RPRD1A: variants seen among roughly 807,000 people sequenced by gnomAD.
RPRD1A encodes regulation of nuclear pre-mRNA domain containing 1A.
RPRD1A carries 9 observed loss-of-function variants against 37.8 expected under a neutral mutation model. The ratio of observed to expected loss-of-function variants is 0.24; its 90% confidence interval spans 0.14 to 0.42. RPRD1A has a LOEUF of 0.42. Among genes scored for constraint, RPRD1A ranks in the 10% least tolerant of loss-of-function variants. The pLI, the probability that RPRD1A is intolerant of heterozygous loss-of-function variation, is 1.00. For synonymous variants in RPRD1A, 138 were observed against 139.7 expected (o/e 0.99, Z 0.08); for missense variants, 255 against 371.0 (o/e 0.69, Z 2.57).
chr18:36,054,955 T>A (rs967279301), intron 1 of RPRD1A, among the ~76,000 whole-genome samples: 1 of 152,214 alleles, frequency 6.6e-6, no homozygotes, highest in Non-Finnish European at 1.5e-5. Flanking sequence ...TGTCTTCAAC[T>A]GGCTGGATAA....
intron 6 of RPRD1A, among the ~76,000 whole-genome samples, chr18:36,005,355 A>G (rs1226947272): frequency 6.6e-6 from 1 of 151,796 alleles, no homozygotes; most frequent in South Asian, 2.1e-4. Context: ...AAACAAAAAA[A>G]GAAAACATAA....
chr18:36,048,060 T>C (rs1598654570), intron 1 of RPRD1A, among the ~76,000 whole-genome samples: 1 of 146,516 alleles, frequency 6.8e-6, no homozygotes, highest in Admixed American at 6.9e-5. Flanking sequence ...GATGTACCCA[T>C]TCCTTTTTTT....
At chr18:36,046,844 C>A (rs1331566442) in intron 1 of RPRD1A, among the ~76,000 whole-genome samples, 3 of 148,776 alleles carry the variant, frequency 2.0e-5, no homozygotes, top group Non-Finnish European at 4.5e-5. Flanking sequence ...AAAAAAAAAA[C>A]CTAGAGTCTC....
intron 1 of RPRD1A, 124 bp downstream of exon 1, chr18:36,067,130 G>T: frequency 9.7e-7 from 1 of 1,034,158 alleles, no homozygotes; most frequent in African/African-American, 1.6e-5. Context: ...CTCCAAGCCC[G>T]CAGACCACCG....
chr18:36,006,086 G>T (rs989066662), intron 6 of RPRD1A, among the ~76,000 whole-genome samples: 1 of 152,206 alleles, frequency 6.6e-6, no homozygotes, highest in African/African-American at 2.4e-5. Context: ...AATAGAAGAA[G>T]TACTTAGAAC....
At chr18:36,016,202 G>A (rs1910559426) in intron 6 of RPRD1A, among the ~76,000 whole-genome samples, 1 of 152,110 alleles carries the variant, frequency 6.6e-6, no homozygotes, top group South Asian at 2.1e-4. Context: ...ACAACCCCAT[G>A]TCATTACAAA....
chr18:36,038,262 G>T (rs1912338600), intron 1 of RPRD1A, among the ~76,000 whole-genome samples: 1 of 152,214 alleles, frequency 6.6e-6, no homozygotes, highest in South Asian at 2.1e-4. Context: ...TCCTGAGCCA[G>T]GCCCAGGGCC....
At chr18:36,047,304 A>C (rs1459297754) in intron 1 of RPRD1A, among the ~76,000 whole-genome samples, 1 of 152,150 alleles carries the variant, frequency 6.6e-6, no homozygotes, top group East Asian at 1.9e-4. Flanking sequence ...AACATAACAA[A>C]AATCTGTGGG....
chr18:36,065,308 C>G (rs944558592), intron 1 of RPRD1A, among the ~76,000 whole-genome samples: 1 of 152,062 alleles, frequency 6.6e-6, no homozygotes. Context: ...TCGTCTGTAC[C>G]TTGTTTTCTT....
At chr18:36,019,111 T>TC (rs1170436449) in intron 6 of RPRD1A, among the ~76,000 whole-genome samples, 2 of 147,308 alleles carry the variant, frequency 1.4e-5, no homozygotes, top group Non-Finnish European at 3.0e-5. Flanking sequence ...GATTTTTTTT[T>TC]TTTTTTTTTT....
chr18:36,056,206 G>C lies in RPRD1A; in HGVS notation c.151+11048C>G, dbSNP rs571363174. Among the ~76,000 whole-genome samples, 4 of 152,134 alleles carry C rather than the reference G, an allele frequency of 2.6e-5. No individual in the cohort carries two copies. In the South Asian group the frequency reaches 8.3e-4, roughly 31 times the overall value. Reference sequence around the variant, plus strand: ...AAGCAATGCCATTAAACTGTTAACAGACTGATTCTGGGTAGAGAAATGGTT... The same window carrying C: ...AAGCAATGCCATTAAACTGTTAACACACTGATTCTGGGTAGAGAAATGGTT... On this transcript the variant is annotated intron_variant, in intron 1 of 6. Transcript: ENST00000399022.
chr18:36,052,734 G>A lies in RPRD1A; in HGVS notation c.151+14520C>T, dbSNP rs187900694. The A allele has an allele frequency of 2.0e-5, 3 of 152,234 alleles. No homozygotes were observed. The East Asian group carries it at 5.8e-4, about 29-fold the overall frequency. 9.4% of individuals were successfully genotyped at this position (152,234 alleles called of 1,614,324 possible). On this transcript the variant is annotated intron_variant, in intron 1 of 6. Coordinates refer to ENST00000399022, the MANE Select transcript of RPRD1A (RefSeq NM_018170.5). ...CTTCCTCAGCCTCCTGAGTAGCTGGGATTACAGGCATGTGCCACCACACCT... is the reference window on the plus strand; with the variant it reads ...CTTCCTCAGCCTCCTGAGTAGCTGGAATTACAGGCATGTGCCACCACACCT...
chr18:36,051,586 C>T (rs1913400220), intron 1 of RPRD1A, among the ~76,000 whole-genome samples: 2 of 152,262 alleles, frequency 1.3e-5, no homozygotes, highest in South Asian at 4.1e-4. Flanking sequence ...AACATTCATT[C>T]AGTAACTCAT....
At chr18:36,054,103 ATCAAG>A (rs1408441189) in intron 1 of RPRD1A, among the ~76,000 whole-genome samples, 2 of 152,210 alleles carry the variant, frequency 1.3e-5, no homozygotes, top group East Asian at 3.8e-4. Context: ...AAAAAAGATC[ATCAAG>A]TCATCAGCAT....
chr18:36,050,863 CTTTTCTTTTT>C (rs1568147535), intron 1 of RPRD1A, among the ~76,000 whole-genome samples: 1 of 148,644 alleles, frequency 6.7e-6, no homozygotes, highest in East Asian at 2.0e-4. Context: ...CTTTTCTTTT[CTTTTCTTTTT>C]TTTTTTTACT....
intron 6 of RPRD1A, among the ~76,000 whole-genome samples, chr18:35,999,212 G>A (rs530433472): frequency 2.0e-5 from 3 of 152,002 alleles, no homozygotes; most frequent in Non-Finnish European, 4.4e-5. Context: ...TTAACAGTAC[G>A]CCCCAGTCAA....
At chr18:36,060,302 G>A (rs1393327304) in intron 1 of RPRD1A, among the ~76,000 whole-genome samples, 2 of 151,844 alleles carry the variant, frequency 1.3e-5, no homozygotes, top group African/African-American at 2.4e-5. Context: ...GCATGGTGGC[G>A]GGCGCCTATA....
intron 1 of RPRD1A, among the ~76,000 whole-genome samples, chr18:36,036,476 T>C (rs1407250545): frequency 1.3e-5 from 2 of 152,198 alleles, no homozygotes; most frequent in Non-Finnish European, 2.9e-5. Flanking sequence ...TTTAAAAATA[T>C]ATTTACCAGT....
intron 6 of RPRD1A, among the ~76,000 whole-genome samples, chr18:36,024,492 G>C (rs1911227188): frequency 6.6e-6 from 1 of 151,828 alleles, no homozygotes; most frequent in Admixed American, 6.6e-5. Flanking sequence ...ACCAACTATA[G>C]TCAGAAGTTT....
Sources: allele counts gnomAD v4.1 joint callset (sites outside exome capture counted in the v4.1 genomes callset), GRCh38; gene constraint gnomAD v4.1.1; transcripts MANE v1.5; gene names NCBI Gene and HGNC (gene_info 2026-07-23, HGNC 2026-07-21).